Variants in CNTN6 observed in about 807,000 individuals in gnomAD.
The protein encoded by CNTN6 is contactin 6.
In CNTN6, 137 loss-of-function variants were observed where a neutral mutation model predicts 122.8. That is an observed-to-expected ratio of 1.12 (90% confidence interval 0.97 to 1.29). The LOEUF (loss-of-function observed/expected upper bound fraction) is 1.29. CNTN6 is among the 50% of genes most tolerant of loss of function. The probability of loss-of-function intolerance (pLI) is 0.00; values close to 1 mark genes in which losing one functional copy is unlikely to be tolerated. For synonymous variants in CNTN6, 570 were observed against 426.0 expected (o/e 1.34, Z -4.16); for missense variants, 1,634 against 1,223.4 (o/e 1.34, Z -5.01).
chr3:1,241,360 C>A (rs930861642), intron 4 of CNTN6, among the ~76,000 whole-genome samples: 3 of 151,720 alleles, frequency 2.0e-5, no homozygotes, highest in South Asian at 2.1e-4. Flanking sequence ...CTGCTTCAAG[C>A]GGGATTAGGG....
intron 4 of CNTN6, among the ~76,000 whole-genome samples, chr3:1,268,422 G>A (rs556918712): frequency 4.0e-4 from 61 of 152,164 alleles, no homozygotes; most frequent in East Asian, 2.9e-3. Context: ...CCTGGTTAAT[G>A]TGGTGAAACC....
intron 7 of CNTN6, among the ~76,000 whole-genome samples, chr3:1,316,300 G>C (rs1700089961): frequency 6.6e-6 from 1 of 151,888 alleles, no homozygotes; most frequent in East Asian, 1.9e-4. Context: ...GGCTGTACAG[G>C]AAGCATAACA....
chr3:1,169,239 A>T (rs1029836670), intron 2 of CNTN6, among the ~76,000 whole-genome samples: 3 of 152,210 alleles, frequency 2.0e-5, no homozygotes, highest in African/African-American at 4.8e-5. Context: ...AGGCCTCCAG[A>T]TTAAATGTTC....
rs554273705 is a variant in CNTN6 at position 1,388,229 on chromosome 3, T to G, written c.2704+2432T>G. ...GCTGGAGATCTGAGAACTGGCACACTGCCTCCTCAAGTGGGTCCCTGACCC... is the reference window on the plus strand; with the variant it reads ...GCTGGAGATCTGAGAACTGGCACACGGCCTCCTCAAGTGGGTCCCTGACCC... On this transcript the variant is annotated intron_variant, in intron 20 of 22. Coordinates refer to ENST00000446702, the MANE Select transcript of CNTN6 (RefSeq NM_001289080.2). Among the ~76,000 whole-genome samples, 662 of 148,766 alleles carry G rather than the reference T, an allele frequency of 4.4e-3. 16 individuals carry two copies. Among genetic ancestry groups the G allele is most frequent in the African/African-American group, 0.013 (528 of 40,658 alleles).
At chr3:1,302,319 T>A (rs879832979) in intron 7 of CNTN6, among the ~76,000 whole-genome samples, 3 of 152,150 alleles carry the variant, frequency 2.0e-5, no homozygotes, top group Admixed American at 2.0e-4. Context: ...GTGATGTACT[T>A]TACTCTTTTG....
rs750847186 is a variant in CNTN6 at position 1,385,646 on chromosome 3, G to C, written c.2553G>C (p.Met851Ile). The C allele has an allele frequency of 8.1e-6, 13 of 1,613,904 alleles. No individual in the cohort carries two copies. The highest frequency in any genetic ancestry group is 6.7e-5 in the Admixed American group (4 of 59,998). The stretch of plus-strand genomic sequence containing the variant: ...GGACAGATGACTCCAAAGAATCCAT[G>C]ATAGGTAAAATTAGAGTCAGTGGAA... ...LYWTDDSKESMIGKIRVSGNV... is the reference protein window; with the variant it reads ...LYWTDDSKESIIGKIRVSGNV... Residue 851 changes from methionine to isoleucine, a missense_variant, in exon 20 of 23, where the codon ATG becomes ATC. Coordinates refer to ENST00000446702, the MANE Select transcript of CNTN6 (RefSeq NM_001289080.2).
At chr3:1,159,074 T>C (rs528616833) in intron 2 of CNTN6, among the ~76,000 whole-genome samples, 8 of 151,024 alleles carry the variant, frequency 5.3e-5, no homozygotes, top group African/African-American at 1.7e-4. Flanking sequence ...TATGAAACAG[T>C]TAACCTTTAA....
chr3:1,220,916 C>T, intron 3 of CNTN6, 103 bp downstream of exon 3: 1 of 1,256,072 alleles, frequency 8.0e-7, no homozygotes, highest in Admixed American at 2.6e-5. Flanking sequence ...TTGTAGTGTA[C>T]AGCTCAAGGA....
chr3:1,174,224 C>T (rs532128064), intron 2 of CNTN6, among the ~76,000 whole-genome samples: 99 of 152,248 alleles, frequency 6.5e-4, no homozygotes, highest in Admixed American at 1.1e-3. Flanking sequence ...TATTTTTTCC[C>T]CTAAGAATTT....
At chr3:1,297,787 T>C (rs1575598390) in intron 6 of CNTN6, 102 bp from the exon 7 acceptor site, 1 of 834,670 alleles carries the variant, frequency 1.2e-6, no homozygotes, top group Non-Finnish European at 1.9e-6. Context: ...AAACCCTAAC[T>C]CTTATTAAGA....
chr3:1,168,551 G>A (rs1309445360), intron 2 of CNTN6, among the ~76,000 whole-genome samples: 1 of 151,610 alleles, frequency 6.6e-6, no homozygotes, highest in Non-Finnish European at 1.5e-5. Context: ...GAGACGTATA[G>A]TCACAAATAT....
At chr3:1,400,131 T>C (rs73097115) in intron 20 of CNTN6, among the ~76,000 whole-genome samples, 2,078 of 152,228 alleles carry the variant, frequency 0.014, 53 homozygotes, top group African/African-American at 0.047. Context: ...ACCAGTGTTA[T>C]AATGAATTAA....
At chr3:1,363,395 A>T (rs1575869571) in intron 12 of CNTN6, among the ~76,000 whole-genome samples, 1 of 151,936 alleles carries the variant, frequency 6.6e-6, no homozygotes, top group Non-Finnish European at 1.5e-5. Flanking sequence ...ATAACTTTGT[A>T]CCTTTGACCA....
chr3:1,101,047 G>T (rs996324201), intron 1 of CNTN6, among the ~76,000 whole-genome samples: 1 of 151,998 alleles, frequency 6.6e-6, no homozygotes, highest in African/African-American at 2.4e-5. Context: ...GCATAGCATC[G>T]CATTGCTATT....
intron 1 of CNTN6, among the ~76,000 whole-genome samples, chr3:1,110,504 A>C (rs2091429943): frequency 6.6e-6 from 1 of 152,072 alleles, no homozygotes; most frequent in African/African-American, 2.4e-5. Flanking sequence ...CACATATTCT[A>C]ACCTTTGAAC....
intron 4 of CNTN6, among the ~76,000 whole-genome samples, chr3:1,231,855 GC>G (rs2094356382): frequency 6.6e-6 from 1 of 152,082 alleles, no homozygotes; most frequent in Non-Finnish European, 1.5e-5. Flanking sequence ...GTCACCAAAG[GC>G]TTCTGTTATC....
At chr3:1,132,010 A>C (rs1168167256) in intron 1 of CNTN6, among the ~76,000 whole-genome samples, 1 of 152,126 alleles carries the variant, frequency 6.6e-6, no homozygotes, top group Non-Finnish European at 1.5e-5. Context: ...AGTTTATGTC[A>C]GGTAGAGTGA....
At chr3:1,294,773 T>C (rs1469843361) in intron 5 of CNTN6, among the ~76,000 whole-genome samples, 2 of 152,238 alleles carry the variant, frequency 1.3e-5, no homozygotes. Context: ...TCTTTTCTGA[T>C]GACACATCAT....
intron 7 of CNTN6, among the ~76,000 whole-genome samples, chr3:1,313,516 T>C (rs1699682230): frequency 6.6e-6 from 1 of 152,128 alleles, no homozygotes; most frequent in African/African-American, 2.4e-5. Context: ...TTCTAGTTAA[T>C]GTAAAGAGAA....
Sources: gnomAD v4.1 joint callset for allele counts (sites outside exome capture counted in the v4.1 genomes callset) on GRCh38, gnomAD v4.1.1 for gene constraint, MANE v1.5 for transcripts, NCBI Gene and HGNC (gene_info 2026-07-23, HGNC 2026-07-21) for gene names.